The following FMN1 variants were observed in gnomAD, a reference collection of about 807,000 sequenced individuals.
FMN1 encodes formin-1.
FMN1 carries 110 observed loss-of-function variants against 132.4 expected under a neutral mutation model. The observed-to-expected ratio is 0.83, with a 90% CI of 0.71 to 0.97. The LOEUF is 0.97. Among genes scored for constraint, FMN1 ranks in the 50% least tolerant of loss-of-function variants. The probability of loss-of-function intolerance (pLI) is 0.00; values close to 1 mark genes in which losing one functional copy is unlikely to be tolerated. For missense variants in FMN1, 1,792 were observed against 1,705.3 expected (o/e 1.05, Z -0.90); for synonymous variants, 722 against 651.7 (o/e 1.11, Z -1.64).
chr15:33,028,061 G>A (rs780829473), intron 6 of FMN1, among the ~76,000 whole-genome samples: 6 of 152,162 alleles, frequency 3.9e-5, no homozygotes, highest in South Asian at 2.1e-4. Context: ...CCCATAAAGC[G>A]TTTATTCCAG....
intron 4 of FMN1, among the ~76,000 whole-genome samples, chr15:33,098,466 G>A (rs1026752): frequency 0.29 from 43,765 of 152,046 alleles, 7,139 homozygotes; most frequent in Admixed American, 0.37. Flanking sequence ...ACATTATTCT[G>A]AGAGAAACAT....
At chr15:32,917,574 C>T (rs7179090) in intron 10 of FMN1, among the ~76,000 whole-genome samples, 13,160 of 152,206 alleles carry the variant, frequency 0.086, 1,000 homozygotes, top group African/African-American at 0.2. Context: ...TCATATGAGG[C>T]GGGTGCGTTT....
chr15:32,883,509 C>CAAAAAAAAAAAAAAAAAAAAAAAAAAAA (rs60737133), intron 16 of FMN1, among the ~76,000 whole-genome samples: 3 of 25,922 alleles, frequency 1.2e-4, no homozygotes, highest in African/African-American at 2.7e-4. Flanking sequence ...GAACCTATCT[C>CAAAAAAAAAAAAAAAAAAAAAAAAAAAA]AAAAAAAAAA....
intron 4 of FMN1, among the ~76,000 whole-genome samples, chr15:33,138,342 C>T (rs914398372): frequency 6.6e-6 from 1 of 152,134 alleles, no homozygotes; most frequent in Non-Finnish European, 1.5e-5. Flanking sequence ...AGCTGTTGCT[C>T]CTTATCCTCA....
chr15:33,131,235 G>A (rs532556646), intron 4 of FMN1, among the ~76,000 whole-genome samples: 26 of 151,044 alleles, frequency 1.7e-4, no homozygotes, highest in African/African-American at 2.9e-4. Context: ...AGGCTGAGGC[G>A]GAAGAATCAC....
chr15:32,865,814 C>T (rs921728726), intron 16 of FMN1, among the ~76,000 whole-genome samples: 6 of 134,780 alleles, frequency 4.5e-5, no homozygotes, highest in African/African-American at 1.6e-4. Context: ...CCAGCCTGGG[C>T]AACAAGAGTG....
At position 32,838,584 on chromosome 15, in the gene FMN1, C is replaced by T. The variant is rs544458526; in HGVS notation, c.3928+18431G>A. On this transcript the variant is annotated intron_variant, in intron 17 of 20. Coordinates refer to ENST00000616417, the MANE Select transcript of FMN1 (RefSeq NM_001277313.2). ...AGCCTGTGTGTACAACACACATGCC[C>T]GCTTAAAGCCCCGCTTAAAGCGGGA... Among the ~76,000 whole-genome samples, 8 of 152,246 alleles carry T rather than the reference C, an allele frequency of 5.3e-5. No individual in the cohort carries two copies. The East Asian group carries it at 5.8e-4, about 11-fold the overall frequency.
intron 3 of FMN1, among the ~76,000 whole-genome samples, chr15:33,176,713 A>G (rs1006480939): frequency 3.9e-5 from 6 of 152,172 alleles, no homozygotes; most frequent in African/African-American, 1.4e-4. Flanking sequence ...CTAGATATAA[A>G]TCATTTCATT....
intron 4 of FMN1, among the ~76,000 whole-genome samples, chr15:33,127,173 G>A (rs1417797381): frequency 1.3e-5 from 1 of 75,758 alleles, no homozygotes; most frequent in African/African-American, 3.9e-5. Flanking sequence ...CAAACAGAGA[G>A]GAGGTCAGGC....
chr15:33,102,016 T>C (rs1026227029), intron 4 of FMN1, among the ~76,000 whole-genome samples: 15 of 152,132 alleles, frequency 9.9e-5, no homozygotes, highest in African/African-American at 3.1e-4. Context: ...CCTCCTTAAA[T>C]TTCAATTCCT....
At chr15:33,128,290 T>C (rs1209542779) in intron 4 of FMN1, among the ~76,000 whole-genome samples, 2 of 152,140 alleles carry the variant, frequency 1.3e-5, no homozygotes, top group East Asian at 3.8e-4. Flanking sequence ...GTTGGGAATT[T>C]GAACATGGCT....
At chr15:33,084,120 T>C (rs2038597240) in intron 5 of FMN1, among the ~76,000 whole-genome samples, 1 of 152,170 alleles carries the variant, frequency 6.6e-6, no homozygotes, top group Non-Finnish European at 1.5e-5. Flanking sequence ...ACTACAGGTA[T>C]ATTCAGTCAA....
At chr15:33,083,836 T>C (rs1182846303) in intron 5 of FMN1, among the ~76,000 whole-genome samples, 1 of 152,080 alleles carries the variant, frequency 6.6e-6, no homozygotes, top group Non-Finnish European at 1.5e-5. Flanking sequence ...CAGGATGTCA[T>C]AAAGAAGCCA....
In FMN1 at chr15:33,088,885, C is replaced by G. The variant is rs944726997; in HGVS notation, c.1957G>C (p.Gly653Arg). The G allele has an allele frequency of 1.3e-6, 2 of 1,535,826 alleles. No homozygotes were observed. The highest frequency in any genetic ancestry group is 2.7e-5 in the African/African-American group (2 of 72,986). Reference sequence around the variant, plus strand: ...GGACAGGCTGGTCCCGCTCTGTAGCCCAGAACCCACGCGCCTCCATCTCTG... The same window carrying G: ...GGACAGGCTGGTCCCGCTCTGTAGCGCAGAACCCACGCGCCTCCATCTCTG... ...PNRDGGAWVL[G>R]YRAGPACPFL... The change falls in exon 5 of 21, where the codon GGC becomes CGC. Residue 653 changes from glycine to arginine, a missense_variant. Physicochemically the swap from Gly to Arg is moderately radical, Grantham distance 125 (BLOSUM62 -2). Coordinates refer to ENST00000616417, the MANE Select transcript of FMN1 (RefSeq NM_001277313.2).
intron 9 of FMN1, among the ~76,000 whole-genome samples, chr15:32,934,978 A>G (rs890401086): frequency 4.4e-4 from 66 of 151,482 alleles, no homozygotes; most frequent in African/African-American, 1.5e-3. Context: ...ACAGAGTGCA[A>G]TGGCATGATC....
intron 16 of FMN1, among the ~76,000 whole-genome samples, chr15:32,865,057 TC>T (rs2059360830): frequency 6.6e-6 from 1 of 151,920 alleles, no homozygotes; most frequent in South Asian, 2.1e-4. Context: ...AGTAGGCAAA[TC>T]TATAGAGACA....
intron 5 of FMN1, among the ~76,000 whole-genome samples, chr15:33,081,428 A>T (rs914374763): frequency 6.6e-6 from 1 of 152,284 alleles, no homozygotes; most frequent in Non-Finnish European, 1.5e-5. Flanking sequence ...ATCACCATTA[A>T]TTTGAAAGAC....
At chr15:32,839,640 T>C (rs369287242) in intron 17 of FMN1, among the ~76,000 whole-genome samples, 1 of 152,040 alleles carries the variant, frequency 6.6e-6, no homozygotes, top group Non-Finnish European at 1.5e-5. Context: ...AGACTTCTCA[T>C]TTATACTCTT....
At chr15:32,895,152 C>T (rs554572071) in intron 15 of FMN1, among the ~76,000 whole-genome samples, 4 of 152,126 alleles carry the variant, frequency 2.6e-5, no homozygotes, top group East Asian at 1.9e-4. Flanking sequence ...AAAGGTTACA[C>T]GTATTTCTAG....
Sources: gnomAD v4.1 joint callset for allele counts (sites outside exome capture counted in the v4.1 genomes callset) on GRCh38, gnomAD v4.1.1 for gene constraint, MANE v1.5 for transcripts, NCBI Gene and HGNC (gene_info 2026-07-23, HGNC 2026-07-21) for gene names.